C1orf87: variants seen among roughly 807,000 people sequenced by gnomAD.
The protein encoded by C1orf87 is chromosome 1 open reading frame 87, also known as uncharacterized protein C1orf87.
In C1orf87, 58 loss-of-function variants were observed where a neutral mutation model predicts 60.5. The observed-to-expected ratio is 0.96, with a 90% CI of 0.78 to 1.19. C1orf87 has a LOEUF of 1.19. Ranked by LOEUF, C1orf87 falls within the 50% of genes most tolerant of loss-of-function variation. The pLI is 0.00. For missense variants in C1orf87, 673 were observed against 638.6 expected (o/e 1.05, Z -0.58); for synonymous variants, 236 against 227.4 (o/e 1.04, Z -0.34).
chr1:60,002,464 C>T (rs1198763008), intron 9 of C1orf87, among the ~76,000 whole-genome samples: 1 of 152,050 alleles, frequency 6.6e-6, no homozygotes, highest in Non-Finnish European at 1.5e-5. Context: ...CCTTCACCCA[C>T]TTTTTGATGG....
intron 3 of C1orf87, among the ~76,000 whole-genome samples, chr1:60,054,134 C>G (rs1052334015): frequency 2.0e-5 from 3 of 152,196 alleles, no homozygotes; most frequent in African/African-American, 4.8e-5. Context: ...TCTGCAGATT[C>G]ACTATCTTTT....
intron 3 of C1orf87, among the ~76,000 whole-genome samples, chr1:60,043,793 T>C (rs1214471304): frequency 6.6e-6 from 1 of 152,240 alleles, no homozygotes; most frequent in African/African-American, 2.4e-5. Context: ...AATTTTTTTT[T>C]TTGCCTCTGA....
intron 7 of C1orf87, among the ~76,000 whole-genome samples, chr1:60,032,914 C>CAGTT (rs1388262062): frequency 2.0e-5 from 3 of 152,138 alleles, no homozygotes; most frequent in Non-Finnish European, 4.4e-5. Context: ...AACAGAGTTA[C>CAGTT]AGTAGTAGTG....
intron 9 of C1orf87, among the ~76,000 whole-genome samples, chr1:60,002,320 C>T (rs1645011714): frequency 6.6e-6 from 1 of 152,002 alleles, no homozygotes; most frequent in African/African-American, 2.4e-5. Flanking sequence ...GCCTCAGTTT[C>T]CTCTTCTGTA....
In C1orf87 at chr1:60,033,604, T is replaced by C. The variant is rs17120025; in HGVS notation, c.901A>G (p.Asn301Asp). ...TTCAAAATCTCCAACAGACTCCTGTTCACTTCTGGCTGTGAGCTGGAGTGC... is the reference window on the plus strand; with the variant it reads ...TTCAAAATCTCCAACAGACTCCTGTCCACTTCTGGCTGTGAGCTGGAGTGC... ...PQHSSSQPEV[N>D]RSLLEILKMA... The change falls in exon 7 of 12, where the codon AAC becomes GAC. Residue 301 changes from asparagine to aspartate, a missense_variant. Physicochemically the swap from Asn to Asp is conservative, Grantham distance 23. Coordinates refer to ENST00000371201, the MANE Select transcript of C1orf87 (RefSeq NM_152377.3). The C allele has an allele frequency of 1.5e-3, 2,479 of 1,613,368 alleles. 44 individuals carry two copies. In the African/African-American group the frequency reaches 0.029, roughly 19 times the overall value.
At position 60,041,044 on chromosome 1, in the gene C1orf87, G is replaced by A; in HGVS notation, c.430C>T (p.Leu144Phe). Residue 144 changes from leucine (L) to phenylalanine (F), a missense_variant, in exon 4 of 12, where the codon CTT becomes TTT. Transcript: ENST00000371201. ...ATCTGTTCCAAGGACCAGTCTCTAA[G>A]CTTTCTCCTGGGAATGCCATGCACA... ...SYVHGIPRRK[L>F]RDWSLEQMVR... The A allele has an allele frequency of 1.9e-6, 3 of 1,613,560 alleles. No homozygotes were observed. Among genetic ancestry groups the A allele is most frequent in the South Asian group, 1.1e-5 (1 of 91,026 alleles).
chr1:60,070,993 G>A (rs765393416), intron 2 of C1orf87, among the ~76,000 whole-genome samples: 1 of 152,122 alleles, frequency 6.6e-6, no homozygotes, highest in Non-Finnish European at 1.5e-5. Flanking sequence ...TTCCAGGTAG[G>A]AGATCTGAGC....
chr1:60,027,312 A>G (rs1645205571), intron 7 of C1orf87, among the ~76,000 whole-genome samples: 1 of 152,168 alleles, frequency 6.6e-6, no homozygotes, highest in Non-Finnish European at 1.5e-5. Flanking sequence ...CCCTGGGGCC[A>G]AGTACAGAGC....
chr1:60,051,594 A>G (rs905404690), intron 3 of C1orf87, among the ~76,000 whole-genome samples: 5 of 152,166 alleles, frequency 3.3e-5, no homozygotes, highest in African/African-American at 1.2e-4. Flanking sequence ...TCATATCTGT[A>G]GATGTGAGCA....
At chr1:60,019,295 T>C (rs1645145743) in intron 8 of C1orf87, among the ~76,000 whole-genome samples, 1 of 152,226 alleles carries the variant, frequency 6.6e-6, no homozygotes, top group Non-Finnish European at 1.5e-5. Flanking sequence ...TGGTAAGATA[T>C]GCTTGCTTGC....
At chr1:60,024,853 T>C (rs972775730) in intron 8 of C1orf87, among the ~76,000 whole-genome samples, 1 of 152,222 alleles carries the variant, frequency 6.6e-6, no homozygotes, top group African/African-American at 2.4e-5. Context: ...GAATGGTAAG[T>C]CTAGTCCCTG....
rs762403633 is a variant in C1orf87 at position 59,990,752 on chromosome 1, A to AT, written c.1561dup (p.Ile521AsnfsTer53). The AT allele has an allele frequency of 9.7e-5, 157 of 1,613,810 alleles. No individual in the cohort carries two copies. The highest frequency in any genetic ancestry group is 1.3e-4 in the Non-Finnish European group (154 of 1,179,968). ...ACGGAATCTGCGCAAGGCCTGGTCG[A>AT]TTTTCTGAGGGCTCAGGGACAGGTT... On this transcript the variant is annotated frameshift_variant, in exon 12 of 12. Transcript: ENST00000371201. LOFTEE classifies it high-confidence loss of function.
At chr1:60,020,124 C>T (rs562747506) in intron 8 of C1orf87, among the ~76,000 whole-genome samples, 1 of 152,276 alleles carries the variant, frequency 6.6e-6, no homozygotes, top group African/African-American at 2.4e-5. Context: ...GGCAGCTCCT[C>T]CCATCACAGG....
chr1:60,008,975 T>C (rs1645064909), intron 9 of C1orf87: 2 of 202,176 alleles, frequency 9.9e-6, no homozygotes, highest in Admixed American at 5.7e-5. Context: ...CCCTTAGCCT[T>C]AAGGTGGTAG....
chr1:60,063,175 T>C (rs544903514), intron 2 of C1orf87, among the ~76,000 whole-genome samples: 1 of 152,296 alleles, frequency 6.6e-6, no homozygotes, highest in South Asian at 2.1e-4. Context: ...ATTGAGTTCA[T>C]AGATATTCAG....
intron 3 of C1orf87, among the ~76,000 whole-genome samples, chr1:60,041,928 G>A (rs1395339994): frequency 1.3e-5 from 2 of 152,128 alleles, no homozygotes; most frequent in Non-Finnish European, 2.9e-5. Context: ...TAGTCACTAT[G>A]CCCCAAAGCC....
chr1:60,040,211 A>G, intron 4 of C1orf87, 31 bp from the exon 5 acceptor site: 1 of 1,589,194 alleles, frequency 6.3e-7, no homozygotes. Flanking sequence ...AAAGAGCAAG[A>G]CTCTTCAATC....
intron 2 of C1orf87, among the ~76,000 whole-genome samples, chr1:60,065,933 T>A (rs1383214353): frequency 6.6e-6 from 1 of 152,026 alleles, no homozygotes; most frequent in Non-Finnish European, 1.5e-5. Flanking sequence ...ATTCACATAT[T>A]TTTTTTGGTT....
chr1:60,014,767 T>G (rs1242055365), intron 8 of C1orf87, among the ~76,000 whole-genome samples: 2 of 152,148 alleles, frequency 1.3e-5, no homozygotes, highest in African/African-American at 4.8e-5. Context: ...AGTATGTAGT[T>G]CTCCAAACTT....
Sources: allele counts gnomAD v4.1 joint callset (sites outside exome capture counted in the v4.1 genomes callset), GRCh38; gene constraint gnomAD v4.1.1; transcripts MANE v1.5; gene names NCBI Gene and HGNC (gene_info 2026-07-23, HGNC 2026-07-21).